Variants in THAP12 observed in about 807,000 individuals in gnomAD.
THAP12 encodes THAP domain containing 12, also known as 52 kDa repressor of the inhibitor of the protein kinase.
THAP12 carries 20 observed loss-of-function variants against 63.0 expected under a neutral mutation model. The observed-to-expected ratio is 0.32, with a 90% CI of 0.22 to 0.46. The LOEUF is 0.46. THAP12 is among the 20% of genes least tolerant of loss of function. THAP12 has a pLI of 1.00. For synonymous variants in THAP12, 264 were observed against 328.4 expected, an observed-to-expected ratio of 0.80 and a Z score of 2.12; for missense variants, 568 against 908.2, an observed-to-expected ratio of 0.63 and a Z score of 4.81.
At chr11:76,352,897 C>A in intron 4 of THAP12, 103 bp from the exon 5 acceptor site, 1 of 1,326,392 alleles carries the variant, frequency 7.5e-7, no homozygotes, top group Admixed American at 3.1e-5. Flanking sequence ...CAAACTCATT[C>A]ATTCAATATT....
At position 76,352,238 on chromosome 11, in the gene THAP12, T is replaced by G; in HGVS notation, c.912A>C (p.Glu304Asp). ...IGFLPYEADA[E>D]ILAVKFHTMI... ...TAGTGTGAAATTTCACAGCCAAAATTTCTGCATCGGCTTCATAAGGCAGGA... is the reference window on the plus strand; with the variant it reads ...TAGTGTGAAATTTCACAGCCAAAATGTCTGCATCGGCTTCATAAGGCAGGA... Residue 304 changes from glutamate (E) to aspartate (D), a missense_variant, in exon 5 of 5, where the codon GAA becomes GAC. Physicochemically the swap from Glu to Asp is conservative, Grantham distance 45. Transcript: ENST00000260045. 6.2e-7 allele frequency: 1 copy of G among 1,611,820 alleles called. No individual in the cohort carries two copies.
chr11:76,377,858 A>G (rs1946722238), intron 1 of THAP12, among the ~76,000 whole-genome samples: 1 of 152,188 alleles, frequency 6.6e-6, no homozygotes, highest in African/African-American at 2.4e-5. Flanking sequence ...GCATCTTTTC[A>G]TGTGCTTTTT....
Position 76,351,013 on chromosome 11 carries a change from T to C in THAP12, c.2137A>G (p.Thr713Ala), listed in dbSNP as rs1182063576. 1.2e-6 allele frequency: 2 copies of C among 1,611,872 alleles called. No individual in the cohort carries two copies. The highest frequency in any genetic ancestry group is 2.7e-5 in the African/African-American group (2 of 74,864). The change falls in exon 5 of 5, where the codon ACA becomes GCA. Residue 713 changes from threonine (T) to alanine (A), a missense_variant. Physicochemically the swap from Thr to Ala is moderately conservative, Grantham distance 58. Transcript: ENST00000260045. Reference sequence around the variant, plus strand: ...GCCAAGTTACTTGACCTTTGGTCTGTCAAAGTGTTCCTCAAATATGCTTTA... The same window carrying C: ...GCCAAGTTACTTGACCTTTGGTCTGCCAAAGTGTTCCTCAAATATGCTTTA... Reference protein sequence around the residue: ...RLKAYLRNTLTDQRSSNLALL... With the variant: ...RLKAYLRNTLADQRSSNLALL...
rs1376424316 is a variant in THAP12, at chr11:76,365,994, A to C, written c.90-22T>G. 4 of 1,606,530 alleles carry C rather than the reference A, an allele frequency of 2.5e-6. No homozygotes were observed. The Admixed American group carries it at 6.9e-5, about 28-fold the overall frequency. ...GCATCTATAAATAAAACCAAAATAC[A>C]ATTATGAAAATGAGCTCAGCATTTA... On this transcript the variant is annotated intron_variant, in intron 1 of 4. Coordinates refer to ENST00000260045, the MANE Select transcript of THAP12 (RefSeq NM_004705.4).
At chr11:76,367,288 C>G (rs1204545104) in intron 1 of THAP12, among the ~76,000 whole-genome samples, 1 of 152,194 alleles carries the variant, frequency 6.6e-6, no homozygotes, top group South Asian at 2.1e-4. Flanking sequence ...GTTGGTCAGG[C>G]TGGTCTCGAA....
Position 76,355,659 on chromosome 11 carries a change from A to C in THAP12, c.319-5T>G. 1 of 1,587,676 alleles carries C rather than the reference A, an allele frequency of 6.3e-7. No homozygotes were observed. The highest frequency in any genetic ancestry group is 8.6e-7 in the Non-Finnish European group (1 of 1,168,420). ...TGTCCTGATTTCATCTTCACTCTAA[A>C]TGTCAAGAAAAAAAAAGAAAAAAAC... is the stretch of plus-strand genomic sequence containing the variant. On this transcript the variant is annotated splice_region_variant and splice_polypyrimidine_tract_variant and intron_variant, in intron 3 of 4. Coordinates refer to ENST00000260045, the MANE Select transcript of THAP12 (RefSeq NM_004705.4).
rs71469516 is a variant in THAP12, at chr11:76,351,024, C to T, written c.2126G>A (p.Arg709Lys). The change falls in exon 5 of 5, where the codon AGG (arginine) becomes AAG (lysine). Residue 709 changes from arginine (R) to lysine (K), a missense_variant. By Grantham distance (26) the Arg-to-Lys change is conservative. Transcript: ENST00000260045. Reference protein sequence around the residue: ...NGRKRLKAYLRNTLTDQRSSN... With the variant: ...NGRKRLKAYLKNTLTDQRSSN... ...TGACCTTTGGTCTGTCAAAGTGTTC[C>T]TCAAATATGCTTTAAGACGCTTTCG... is the stretch of plus-strand genomic sequence containing the variant. 28 of 1,611,844 alleles carry T rather than the reference C, an allele frequency of 1.7e-5. No homozygotes were observed. Among genetic ancestry groups the T allele is most frequent in the African/African-American group, 4.0e-5 (3 of 74,850 alleles).
In THAP12 at chr11:76,351,219, C is replaced by T. The variant is rs1417456726; in HGVS notation, c.1931G>A (p.Cys644Tyr). Residue 644 changes from cysteine to tyrosine, a missense_variant, in exon 5 of 5, where the codon TGT becomes TAT. Physicochemically the swap from Cys to Tyr is radical, Grantham distance 194 (BLOSUM62 -2). Coordinates refer to ENST00000260045, the MANE Select transcript of THAP12 (RefSeq NM_004705.4). Reference sequence around the variant, plus strand: ...CCTGTGTTTCCATTTGATTCTCCAACAATGAAGCTCAGCTGACAGCGTGTC... The same window carrying T: ...CCTGTGTTTCCATTTGATTCTCCAATAATGAAGCTCAGCTGACAGCGTGTC... ...NPDTLSAELH[C>Y]WRIKWKHRGK... The T allele has an allele frequency of 6.4e-7, 1 of 1,555,134 alleles. No homozygotes were observed. The highest frequency in any genetic ancestry group is 8.7e-7 in the Non-Finnish European group (1 of 1,151,476).
rs1946516020 is a variant in THAP12, at chr11:76,350,314, T to C, written c.*550A>G. ...CAACAGCAGGCTTTTCCATTCAAAC[T>C]TTGTCATTTGTTTCTTTAAGTTCAA... On this transcript the variant is annotated 3_prime_UTR_variant, in exon 5 of 5. Transcript: ENST00000260045. 6.6e-6 allele frequency: 1 copy of C among 152,374 alleles called. No individual in the cohort carries two copies. Among genetic ancestry groups the C allele is most frequent in the African/African-American group, 2.4e-5 (1 of 41,458 alleles). 9.4% of individuals were successfully genotyped at this position (152,374 alleles called of 1,614,324 possible).
Position 76,351,214 on chromosome 11 carries a change from T to C in THAP12, c.1936A>G (p.Arg646Gly), listed in dbSNP as rs36045030. The change falls in exon 5 of 5, where the codon AGA becomes GGA. Residue 646 changes from arginine (R) to glycine (G), a missense_variant. Arg to Gly is a moderately radical substitution (Grantham distance 125, BLOSUM62 -2). Coordinates refer to ENST00000260045, the MANE Select transcript of THAP12 (RefSeq NM_004705.4). Reference sequence around the variant, plus strand: ...TTCCCCCTGTGTTTCCATTTGATTCTCCAACAATGAAGCTCAGCTGACAGC... The same window carrying C: ...TTCCCCCTGTGTTTCCATTTGATTCCCCAACAATGAAGCTCAGCTGACAGC... Reference protein sequence around the residue: ...DTLSAELHCWRIKWKHRGKDI... With the variant: ...DTLSAELHCWGIKWKHRGKDI... 9 of 1,555,392 alleles carry C rather than the reference T, an allele frequency of 5.8e-6. No individual in the cohort carries two copies. The Admixed American group carries it at 1.1e-4, about 20-fold the overall frequency.
chr11:76,372,151 ATTATGT>A (rs1291753455), intron 1 of THAP12, among the ~76,000 whole-genome samples: 1 of 150,784 alleles, frequency 6.6e-6, no homozygotes, highest in African/African-American at 2.4e-5. Flanking sequence ...AAGAGGTGTC[ATTATGT>A]TGCCCAGGTG....
At chr11:76,356,571 A>G (rs962425355) in intron 3 of THAP12, 1 of 152,200 alleles carries the variant, frequency 6.6e-6, no homozygotes, top group African/African-American at 2.4e-5. Context: ...CCAACCATGC[A>G]TTGAAAATGC....
chr11:76,353,508 G>A (rs2134498592), intron 4 of THAP12, among the ~76,000 whole-genome samples: 1 of 152,336 alleles, frequency 6.6e-6, no homozygotes, highest in South Asian at 2.1e-4. Context: ...TGGGACAGCT[G>A]TACAAACCAG....
rs377527544 is a variant in THAP12 at position 76,360,097 on chromosome 11, A to G, written c.318+859T>C. 1.1e-4 allele frequency among the ~76,000 whole-genome samples: 17 copies of G among 152,340 alleles called. No individual in the cohort carries two copies. In the East Asian group the frequency reaches 3.3e-3, roughly 29 times the overall value. On this transcript the variant is annotated intron_variant, in intron 3 of 4. Transcript: ENST00000260045. ...ACCATGTTGGGAAAACAGTTTCTCT[A>G]TAAGGAGAAAAAGTTATTATAGATC...
Position 76,380,830 on chromosome 11 carries a change from T to C in THAP12, c.7A>G (p.Asn3Asp). 7.0e-7 allele frequency: 1 copy of C among 1,421,220 alleles called. No individual in the cohort carries two copies. Among genetic ancestry groups the C allele is most frequent in the Non-Finnish European group, 9.3e-7 (1 of 1,075,858 alleles). The allele number at this position is 1,421,220 out of a possible 1,614,324, so 88.0% of individuals were successfully genotyped here. Residue 3 changes from asparagine to aspartate, a missense_variant, in exon 1 of 5, where the codon AAC becomes GAC. Transcript: ENST00000260045. MP[N>D]FCAAPNCTRK... ...GTGCAGTTGGGGGCAGCGCAGAAGT[T>C]CGGCATCGTCGCCCGCCCGCCGGCC...
intron 1 of THAP12, among the ~76,000 whole-genome samples, chr11:76,371,121 G>A (rs1052277632): frequency 1.3e-5 from 2 of 151,968 alleles, no homozygotes; most frequent in African/African-American, 4.8e-5. Context: ...TTTTTACCTG[G>A]TCTACTAGTA....
chr11:76,372,893 A>C (rs939606604), intron 1 of THAP12, among the ~76,000 whole-genome samples: 25 of 151,984 alleles, frequency 1.6e-4, no homozygotes, highest in African/African-American at 5.3e-4. Flanking sequence ...TCTCCAAAAA[A>C]AAAACAGGGT....
intron 3 of THAP12, chr11:76,358,351 A>G (rs1307552624): frequency 6.6e-6 from 1 of 152,256 alleles, no homozygotes; most frequent in Non-Finnish European, 1.5e-5. Flanking sequence ...CCAATGGTAT[A>G]TAAAAGCAAA....
intron 1 of THAP12, among the ~76,000 whole-genome samples, chr11:76,374,771 T>C (rs1946697648): frequency 1.3e-5 from 2 of 152,250 alleles, no homozygotes; most frequent in Non-Finnish European, 2.9e-5. Flanking sequence ...TGAAAGGATC[T>C]TGGGGATTGC....
Sources: allele counts gnomAD v4.1 joint callset (sites outside exome capture counted in the v4.1 genomes callset), GRCh38; gene constraint gnomAD v4.1.1; transcripts MANE v1.5; gene names NCBI Gene and HGNC (gene_info 2026-07-23, HGNC 2026-07-21).